The following DLGAP2 variants were observed in gnomAD, a reference collection of about 807,000 sequenced individuals.
DLGAP2 encodes the protein DLG associated protein 2.
In DLGAP2, 26 loss-of-function variants were observed where a neutral mutation model predicts 100.3. That is an observed-to-expected ratio of 0.26 (90% CI 0.19 to 0.36). DLGAP2 has a LOEUF of 0.36. Ranked by LOEUF, DLGAP2 falls within the 10% of genes least tolerant of loss-of-function variation. The pLI is 1.00. For missense variants in DLGAP2, 1,858 were observed against 1,453.2 expected, an observed-to-expected ratio of 1.28 and a Z score of -4.53; for synonymous variants, 886 against 630.1, an observed-to-expected ratio of 1.41 and a Z score of -6.08.
intron 3 of DLGAP2, among the ~76,000 whole-genome samples, chr8:1,470,419 G>C (rs1178170122): frequency 6.6e-6 from 1 of 152,202 alleles, no homozygotes; most frequent in East Asian, 1.9e-4. Context: ...CGATGCAGTG[G>C]CATGGCAGCT....
intron 2 of DLGAP2, among the ~76,000 whole-genome samples, chr8:916,146 C>CGCACT (rs1798589409): frequency 6.6e-6 from 1 of 152,122 alleles, no homozygotes. Context: ...GTAGACGCTC[C>CGCACT]GCACTCTCTT....
chr8:1,524,743 A>G (rs1030328263), intron 4 of DLGAP2, among the ~76,000 whole-genome samples: 1 of 152,154 alleles, frequency 6.6e-6, no homozygotes, highest in African/African-American at 2.4e-5. Context: ...GGACACAGTC[A>G]TCGGACCAGC....
intron 3 of DLGAP2, among the ~76,000 whole-genome samples, chr8:1,480,233 A>AG (rs1362408987): frequency 1.3e-5 from 2 of 152,168 alleles, no homozygotes; most frequent in African/African-American, 4.8e-5. Flanking sequence ...GTAGGTTTTC[A>AG]GTCTCCAAAA....
chr8:1,165,097 C>A (rs529899533), intron 2 of DLGAP2, among the ~76,000 whole-genome samples: 1 of 151,340 alleles, frequency 6.6e-6, no homozygotes, highest in Non-Finnish European at 1.5e-5. Context: ...GTTTCCTTCC[C>A]TCTCAGGCCC....
At chr8:930,082 T>A (rs1166559170) in intron 2 of DLGAP2, among the ~76,000 whole-genome samples, 1 of 152,164 alleles carries the variant, frequency 6.6e-6, no homozygotes, top group Non-Finnish European at 1.5e-5. Flanking sequence ...CACACTGATG[T>A]GTTTGCATCG....
intron 3 of DLGAP2, among the ~76,000 whole-genome samples, chr8:1,292,103 C>G (rs189102876): frequency 1.3e-5 from 2 of 152,184 alleles, no homozygotes; most frequent in Non-Finnish European, 2.9e-5. Flanking sequence ...GGTGTGTCAG[C>G]TAAGCCTGTG....
At chr8:1,491,077 C>CA (rs386411871) in intron 3 of DLGAP2, among the ~76,000 whole-genome samples, 849 of 64,490 alleles carry the variant, frequency 0.013, 19 homozygotes, top group Middle Eastern at 0.031. Flanking sequence ...AACTGGAAAC[C>CA]AAAAAAAAAA....
rs369135936 is a variant in DLGAP2, at chr8:1,665,539, T to G, written c.1811-2790T>G. On this transcript the variant is annotated intron_variant, in intron 8 of 14. Coordinates refer to ENST00000637795, the MANE Select transcript of DLGAP2 (RefSeq NM_001346810.2). ...ATCTCAAACTTGCCAAAGAAAAATA[T>G]AATAAGGCAGATGTCACATTTTAAT... is the stretch of plus-strand genomic sequence containing the variant. Among the ~76,000 whole-genome samples, 22 of 152,250 alleles carry G rather than the reference T, an allele frequency of 1.4e-4. No individual in the cohort carries two copies. In the South Asian group the frequency reaches 4.6e-3, roughly 32 times the overall value.
At chr8:1,128,453 G>T (rs951456012) in intron 2 of DLGAP2, among the ~76,000 whole-genome samples, 2 of 152,340 alleles carry the variant, frequency 1.3e-5, no homozygotes, top group South Asian at 4.1e-4. Flanking sequence ...TGTTTAGCTG[G>T]GCTTAGATGT....
chr8:966,118 A>G (rs1315188889), intron 2 of DLGAP2, among the ~76,000 whole-genome samples: 1 of 152,178 alleles, frequency 6.6e-6, no homozygotes, highest in African/African-American at 2.4e-5. Flanking sequence ...CTGAGACCAG[A>G]GCAGGGGCAT....
At chr8:1,484,383 T>A (rs1437690133) in intron 3 of DLGAP2, among the ~76,000 whole-genome samples, 3 of 152,256 alleles carry the variant, frequency 2.0e-5, no homozygotes, top group Non-Finnish European at 4.4e-5. Flanking sequence ...CATGAGTTCC[T>A]TAGATCCTCA....
chr8:1,437,084 G>A (rs541037238), intron 3 of DLGAP2, among the ~76,000 whole-genome samples: 270 of 151,028 alleles, frequency 1.8e-3, no homozygotes, highest in African/African-American at 6.3e-3. Flanking sequence ...GCCCAGGCGC[G>A]TAGGGGTGAC....
rs1554430776 is a variant in DLGAP2 at position 1,683,896 on chromosome 8, G to GTATATA, written c.2704+5271_2704+5272insTATATA. Among the ~76,000 whole-genome samples, 219 of 83,396 alleles carry GTATATA rather than the reference G, an allele frequency of 2.6e-3. 4 individuals are homozygous for GTATATA. Among genetic ancestry groups the GTATATA allele is most frequent in the South Asian group, 0.012 (26 of 2,244 alleles). 54.7% of individuals were successfully genotyped at this position (83,396 alleles called of 152,430 possible). A position where few individuals can be genotyped will look rare whatever the true frequency, so the allele number is the denominator to read the frequency against. On this transcript the variant is annotated intron_variant, in intron 12 of 14. Transcript: ENST00000637795. ...TGTGTGTGTGTGTGTGTGTGTGTGT[G>GTATATA]TATACACATATATGTGTATATATAT...
At chr8:1,595,898 T>C (rs1796444007) in intron 6 of DLGAP2, among the ~76,000 whole-genome samples, 1 of 79,866 alleles carries the variant, frequency 1.3e-5, no homozygotes, top group South Asian at 4.5e-4. Context: ...ATACTTTAAG[T>C]TTTAGGGTAC....
In DLGAP2 at chr8:1,290,363, G is replaced by A. The variant is rs560102008; in HGVS notation, c.106+31480G>A. Among the ~76,000 whole-genome samples the A allele has an allele frequency of 7.2e-5, 11 of 152,306 alleles. No individual in the cohort carries two copies. The East Asian group carries it at 2.1e-3, about 29-fold the overall frequency. On this transcript the variant is annotated intron_variant, in intron 3 of 14. Transcript: ENST00000637795. The stretch of plus-strand genomic sequence containing the variant: ...ATGATGGTCCCGCTTTACAAATGGT[G>A]CCTACATAGTGACGGCAGGGTTTGA...
At chr8:1,201,609 G>A (rs1797875852) in intron 2 of DLGAP2, among the ~76,000 whole-genome samples, 1 of 152,194 alleles carries the variant, frequency 6.6e-6, no homozygotes, top group Non-Finnish European at 1.5e-5. Context: ...GGTAGACACA[G>A]GTGCAGCTCA....
chr8:1,164,580 T>G (rs1025794068), intron 2 of DLGAP2, among the ~76,000 whole-genome samples: 1 of 152,010 alleles, frequency 6.6e-6, no homozygotes, highest in Non-Finnish European at 1.5e-5. Flanking sequence ...TGGGTCATAT[T>G]CTAAGCCCAG....
intron 3 of DLGAP2, among the ~76,000 whole-genome samples, chr8:1,261,538 G>A (rs1370209323): frequency 1.5e-5 from 2 of 135,094 alleles, no homozygotes; most frequent in Admixed American, 7.5e-5. Flanking sequence ...AAGTCGGGGG[G>A]CTCTCCAGCC....
chr8:1,221,913 C>T (rs554143772), intron 2 of DLGAP2, among the ~76,000 whole-genome samples: 1 of 152,304 alleles, frequency 6.6e-6, no homozygotes, highest in South Asian at 2.1e-4. Flanking sequence ...TAATTGCATT[C>T]CGAAATTCCT....
Sources: allele counts gnomAD v4.1 joint callset (sites outside exome capture counted in the v4.1 genomes callset), GRCh38; gene constraint gnomAD v4.1.1; transcripts MANE v1.5; gene names NCBI Gene and HGNC (gene_info 2026-07-23, HGNC 2026-07-21).